Variants in KCND2 observed in about 807,000 individuals in gnomAD.
KCND2 encodes the protein potassium voltage-gated channel subfamily D member 2.
In KCND2, 16 loss-of-function variants were observed where a neutral mutation model predicts 54.4. That is an observed-to-expected ratio of 0.29 (90% CI 0.20 to 0.45). The LOEUF is 0.45. Among genes scored for constraint, KCND2 ranks in the 20% least tolerant of loss-of-function variants. The pLI is 1.00. For missense variants in KCND2, 486 were observed against 824.2 expected (o/e 0.59, Z 5.02); for synonymous variants, 317 against 310.7 (o/e 1.02, Z -0.21).
chr7:120,725,045 A>G lies in KCND2; in HGVS notation c.1116-7858A>G, dbSNP rs189494248. Among the ~76,000 whole-genome samples, 250 of 152,248 alleles carry G rather than the reference A, an allele frequency of 1.6e-3. 1 individual carries two copies. Among genetic ancestry groups the G allele is most frequent in the Admixed American group, 9.1e-3 (139 of 15,270 alleles). On this transcript the variant is annotated intron_variant, in intron 1 of 5. Transcript: ENST00000331113. ...TAACCTTTAAAGCCTTGCCATAATC[A>G]TATAATAGGCTAAAAGCAAGAGGAA... is the stretch of plus-strand genomic sequence containing the variant.
chr7:120,440,984 T>C (rs920684027), intron 1 of KCND2, among the ~76,000 whole-genome samples: 7 of 152,176 alleles, frequency 4.6e-5, no homozygotes, highest in Non-Finnish European at 8.8e-5. Context: ...TGTTGATTCA[T>C]CTTCTAATAC....
chr7:120,737,420 A>G (rs1244994432), intron 2 of KCND2, among the ~76,000 whole-genome samples: 1 of 151,914 alleles, frequency 6.6e-6, no homozygotes, highest in Non-Finnish European at 1.5e-5. Flanking sequence ...ATCCTCTTTC[A>G]GTTCTCACCG....
chr7:120,653,463 G>C (rs140648641), intron 1 of KCND2, among the ~76,000 whole-genome samples: 1 of 152,100 alleles, frequency 6.6e-6, no homozygotes, highest in Non-Finnish European at 1.5e-5. Flanking sequence ...CGTTGACCTG[G>C]ATTGGACCTG....
At chr7:120,462,033 T>C (rs943936872) in intron 1 of KCND2, among the ~76,000 whole-genome samples, 5 of 152,142 alleles carry the variant, frequency 3.3e-5, no homozygotes, top group African/African-American at 1.2e-4. Flanking sequence ...AAATTCCTCT[T>C]ACAATGCCAT....
At chr7:120,477,188 C>T (rs1270692386) in intron 1 of KCND2, among the ~76,000 whole-genome samples, 1 of 152,132 alleles carries the variant, frequency 6.6e-6, no homozygotes, top group African/African-American at 2.4e-5. Flanking sequence ...CACTGAATAG[C>T]TTAGAGTGGC....
At chr7:120,725,544 T>C (rs575369616) in intron 1 of KCND2, among the ~76,000 whole-genome samples, 2 of 152,294 alleles carry the variant, frequency 1.3e-5, no homozygotes, top group South Asian at 4.1e-4. Context: ...ACAGGCAATT[T>C]ACTGGAAATA....
intron 1 of KCND2, among the ~76,000 whole-genome samples, chr7:120,498,791 A>T (rs894817285): frequency 6.6e-6 from 1 of 151,954 alleles, no homozygotes; most frequent in African/African-American, 2.4e-5. Flanking sequence ...AAATACGAAA[A>T]AGTAAAATAA....
Position 120,674,137 on chromosome 7 carries a change from C to T in KCND2, c.1116-58766C>T, listed in dbSNP as rs540433199. 4.6e-5 allele frequency among the ~76,000 whole-genome samples: 7 copies of T among 152,168 alleles called. No individual in the cohort carries two copies. The South Asian group carries it at 1.5e-3, about 32-fold the overall frequency. Reference sequence around the variant, plus strand: ...CAGGCTGGTCTTGAACTCCTCACCTCAGGTTATCCACCCACCTCAGCCTCC... The same window carrying T: ...CAGGCTGGTCTTGAACTCCTCACCTTAGGTTATCCACCCACCTCAGCCTCC... On this transcript the variant is annotated intron_variant, in intron 1 of 5. Coordinates refer to ENST00000331113, the MANE Select transcript of KCND2 (RefSeq NM_012281.3).
chr7:120,481,302 G>T (rs1314287029), intron 1 of KCND2, among the ~76,000 whole-genome samples: 1 of 152,148 alleles, frequency 6.6e-6, no homozygotes, highest in Non-Finnish European at 1.5e-5. Context: ...CTGTTGCATG[G>T]CTACTTTTAA....
rs112259756 is a variant in KCND2 at position 120,742,746 on chromosome 7, A to G, written c.1467+144A>G. ...AAAACAAACAAACCAAAACCCCACAATATTTGAAATTACTTTGAAAGATGT... is the reference window on the plus strand; with the variant it reads ...AAAACAAACAAACCAAAACCCCACAGTATTTGAAATTACTTTGAAAGATGT... On this transcript the variant is annotated intron_variant, in intron 4 of 5. Transcript: ENST00000331113. 158 of 695,948 alleles carry G rather than the reference A, an allele frequency of 2.3e-4. No individual in the cohort carries two copies. The African/African-American group carries it at 2.4e-3, about 11-fold the overall frequency. The allele number at this position is 695,948 out of a possible 1,614,324, so 43.1% of individuals were successfully genotyped here.
intron 1 of KCND2, among the ~76,000 whole-genome samples, chr7:120,285,659 G>A (rs1203958488): frequency 1.3e-5 from 2 of 151,706 alleles, no homozygotes; most frequent in African/African-American, 4.8e-5. Context: ...GCAATAAAGG[G>A]CAGTTGTTTT....
chr7:120,669,514 A>G (rs1791966327), intron 1 of KCND2, among the ~76,000 whole-genome samples: 1 of 152,118 alleles, frequency 6.6e-6, no homozygotes, highest in African/African-American at 2.4e-5. Flanking sequence ...TTAACTACAT[A>G]TCCCAGCTAA....
At chr7:120,596,373 A>G (rs775095886) in intron 1 of KCND2, among the ~76,000 whole-genome samples, 39 of 152,202 alleles carry the variant, frequency 2.6e-4, no homozygotes, top group Admixed American at 1.1e-3. Flanking sequence ...GTAACTGTAT[A>G]TGAGTTAAAT....
intron 1 of KCND2, among the ~76,000 whole-genome samples, chr7:120,652,167 C>G (rs1791743524): frequency 6.6e-6 from 1 of 152,054 alleles, no homozygotes; most frequent in Non-Finnish European, 1.5e-5. Context: ...ACTCCGCCTC[C>G]CGGGTTCAAG....
rs1189798107 is a variant in KCND2, at chr7:120,324,649, A to G, written c.1115+48902A>G. On this transcript the variant is annotated intron_variant, in intron 1 of 5. Coordinates refer to ENST00000331113, the MANE Select transcript of KCND2 (RefSeq NM_012281.3). ...ATTTCTGAGGGCTCTGTTCTGTTCC[A>G]TTGATCTATAACTCTGTTTTGGTAC... 4.0e-5 allele frequency among the ~76,000 whole-genome samples: 6 copies of G among 150,618 alleles called. No homozygotes were observed. In the East Asian group the frequency reaches 9.9e-4, roughly 25 times the overall value.
intron 1 of KCND2, among the ~76,000 whole-genome samples, chr7:120,410,316 A>C (rs1470836914): frequency 6.6e-6 from 1 of 152,000 alleles, no homozygotes; most frequent in Non-Finnish European, 1.5e-5. Context: ...TAAATGAAAT[A>C]ATGTAATTTC....
chr7:120,723,502 G>T (rs1398354156), intron 1 of KCND2, among the ~76,000 whole-genome samples: 2 of 152,150 alleles, frequency 1.3e-5, no homozygotes, highest in East Asian at 3.9e-4. Flanking sequence ...ATATTTATTT[G>T]AATTGTTGGA....
At chr7:120,437,175 A>C (rs542050076) in intron 1 of KCND2, among the ~76,000 whole-genome samples, 1 of 150,854 alleles carries the variant, frequency 6.6e-6, no homozygotes, top group East Asian at 1.9e-4. Context: ...TTAATGTATC[A>C]GCCACTACTG....
At chr7:120,384,998 CTTTTTTTTTTTT>C (rs372225817) in intron 1 of KCND2, among the ~76,000 whole-genome samples, 2 of 82,512 alleles carry the variant, frequency 2.4e-5, no homozygotes, top group African/African-American at 9.7e-5. Flanking sequence ...TTGTATATAA[CTTTTTTTTTTTT>C]TTTTTTTTTT....
Sources: gnomAD v4.1 joint callset for allele counts (sites outside exome capture counted in the v4.1 genomes callset) on GRCh38, gnomAD v4.1.1 for gene constraint, MANE v1.5 for transcripts, NCBI Gene and HGNC (gene_info 2026-07-23, HGNC 2026-07-21) for gene names.